The following TAOK3 variants were observed in gnomAD, a reference collection of about 807,000 sequenced individuals.
The protein encoded by TAOK3 is TAO kinase 3.
Under a neutral mutation model 120.4 loss-of-function variants are expected in TAOK3, and 40 were observed. The ratio of observed to expected loss-of-function variants is 0.33; its 90% CI spans 0.26 to 0.43. TAOK3 has a LOEUF of 0.43. Among genes scored for constraint, TAOK3 ranks in the 20% least tolerant of loss-of-function variants. The probability of loss-of-function intolerance (pLI) is 1.00; values close to 1 mark genes in which losing one functional copy is unlikely to be tolerated. For synonymous variants in TAOK3, 355 were observed against 387.5 expected, an observed-to-expected ratio of 0.92 and a Z score of 0.99; for missense variants, 821 against 1,112.1, an observed-to-expected ratio of 0.74 and a Z score of 3.72.
chr12:118,361,427 C>T (rs1170938997), intron 1 of TAOK3, among the ~76,000 whole-genome samples: 1 of 151,918 alleles, frequency 6.6e-6, no homozygotes, highest in Non-Finnish European at 1.5e-5. Context: ...TACTACTCTT[C>T]CAAACTATCA....
chr12:118,197,864 T>A (rs2037811905), intron 13 of TAOK3, among the ~76,000 whole-genome samples: 1 of 151,934 alleles, frequency 6.6e-6, no homozygotes, highest in Admixed American at 6.6e-5. Context: ...ATTTTTTGTA[T>A]TTTTAGTAGA....
At chr12:118,307,931 C>T (rs972709670) in intron 1 of TAOK3, among the ~76,000 whole-genome samples, 8 of 151,432 alleles carry the variant, frequency 5.3e-5, no homozygotes, top group Admixed American at 2.0e-4. Context: ...TTCCCAATAG[C>T]TGCTTAAAAT....
At chr12:118,231,056 G>A (rs61945189) in intron 9 of TAOK3, among the ~76,000 whole-genome samples, 11,240 of 152,152 alleles carry the variant, frequency 0.074, 517 homozygotes, top group Middle Eastern at 0.11. Context: ...ATAGAAAACA[G>A]ATCTCCAAGA....
intron 9 of TAOK3, among the ~76,000 whole-genome samples, chr12:118,232,864 C>T (rs1464597873): frequency 2.6e-5 from 4 of 152,062 alleles, no homozygotes. Flanking sequence ...GAGATTGTGC[C>T]ACTGCACTCC....
intron 1 of TAOK3, among the ~76,000 whole-genome samples, chr12:118,334,397 T>G (rs1205098053): frequency 6.6e-6 from 1 of 152,176 alleles, no homozygotes; most frequent in East Asian, 1.9e-4. Context: ...TGACTCAACT[T>G]ATATAAGCTA....
At chr12:118,206,072 G>A (rs1202918738) in intron 11 of TAOK3, among the ~76,000 whole-genome samples, 1 of 152,120 alleles carries the variant, frequency 6.6e-6, no homozygotes, top group Non-Finnish European at 1.5e-5. Context: ...TTATTTTCTA[G>A]AATAAAAAGG....
intron 1 of TAOK3, among the ~76,000 whole-genome samples, chr12:118,332,764 T>G (rs1200907248): frequency 6.6e-6 from 1 of 152,202 alleles, no homozygotes; most frequent in Admixed American, 6.5e-5. Context: ...CTTAAAGCAG[T>G]TCCTTTATTT....
At chr12:118,290,859 A>G (rs2042444897) in intron 1 of TAOK3, among the ~76,000 whole-genome samples, 1 of 151,484 alleles carries the variant, frequency 6.6e-6, no homozygotes, top group Non-Finnish European at 1.5e-5. Flanking sequence ...TTGTTGAACT[A>G]TACCATCATA....
chr12:118,354,116 T>A (rs2141248491), intron 1 of TAOK3, among the ~76,000 whole-genome samples: 1 of 152,364 alleles, frequency 6.6e-6, no homozygotes, highest in East Asian at 1.9e-4. Context: ...GTGTGGGGAA[T>A]ATGTTCTAGA....
chr12:118,314,343 A>T (rs2043372328), intron 1 of TAOK3, among the ~76,000 whole-genome samples: 1 of 152,210 alleles, frequency 6.6e-6, no homozygotes, highest in Non-Finnish European at 1.5e-5. Context: ...AATATCTTTT[A>T]AAAATACTAT....
chr12:118,368,200 T>C (rs1259894683), intron 1 of TAOK3, among the ~76,000 whole-genome samples: 1 of 152,138 alleles, frequency 6.6e-6, no homozygotes, highest in Non-Finnish European at 1.5e-5. Flanking sequence ...CTTTTGGTTA[T>C]TATTATTATT....
At chr12:118,235,746 A>G in intron 7 of TAOK3, 75 bp from the exon 8 acceptor site, 1 of 898,218 alleles carries the variant, frequency 1.1e-6, no homozygotes, top group South Asian at 1.6e-5. Flanking sequence ...CATGCAATTA[A>G]TAAGACAAAA....
intron 14 of TAOK3, among the ~76,000 whole-genome samples, chr12:118,187,188 G>A (rs894373627): frequency 7.9e-5 from 12 of 151,912 alleles, no homozygotes; most frequent in African/African-American, 2.9e-4. Flanking sequence ...ACTTGTTAGC[G>A]CCTCTACTAG....
At chr12:118,209,050 C>T (rs2038485768) in intron 11 of TAOK3, among the ~76,000 whole-genome samples, 1 of 151,974 alleles carries the variant, frequency 6.6e-6, no homozygotes, top group Admixed American at 6.6e-5. Flanking sequence ...GGACAAAATG[C>T]CATATACACA....
chr12:118,328,324 G>A (rs2141002286), intron 1 of TAOK3, among the ~76,000 whole-genome samples: 1 of 152,242 alleles, frequency 6.6e-6, no homozygotes, highest in Admixed American at 6.5e-5. Flanking sequence ...AAAGTGTTGG[G>A]ATTACAGGCA....
chr12:118,253,791 C>T (rs1478345932), intron 3 of TAOK3, among the ~76,000 whole-genome samples: 2 of 150,108 alleles, frequency 1.3e-5, no homozygotes, highest in Non-Finnish European at 3.0e-5. Flanking sequence ...CAGTGGCTCA[C>T]GCCTGTAATC....
intron 1 of TAOK3, among the ~76,000 whole-genome samples, chr12:118,325,997 G>C (rs1027913999): frequency 4.6e-5 from 7 of 152,134 alleles, no homozygotes; most frequent in Admixed American, 6.5e-5. Context: ...TCACTTTGTT[G>C]ATTGTTTCTT....
Position 118,199,215 on chromosome 12 carries a change from G to T in TAOK3, c.1030C>A (p.Leu344Met). The change falls in exon 13 of 21, where the codon CTG (leucine) becomes ATG (methionine). Residue 344 changes from leucine to methionine, a missense_variant. By Grantham distance (15) the Leu-to-Met change is conservative. Coordinates refer to ENST00000392533, the MANE Select transcript of TAOK3 (RefSeq NM_016281.4). ...CTTGGAATGGAATGGTTGCTGCCCA[G>T]GCTGTCCATTTCCCTGTTCAGGCTG... ...GTSLNREMDS[L>M]GSNHSIPSMS... 1 of 1,614,152 alleles carries T rather than the reference G, an allele frequency of 6.2e-7. No homozygotes were observed. Among genetic ancestry groups the T allele is most frequent in the Non-Finnish European group, 8.5e-7 (1 of 1,180,034 alleles).
At chr12:118,309,848 A>G (rs542389534) in intron 1 of TAOK3, among the ~76,000 whole-genome samples, 1 of 152,092 alleles carries the variant, frequency 6.6e-6, no homozygotes, top group East Asian at 1.9e-4. Flanking sequence ...CCTCCTGGCT[A>G]TGTGCTGGGT....
Sources: allele counts gnomAD v4.1 joint callset (sites outside exome capture counted in the v4.1 genomes callset), GRCh38; gene constraint gnomAD v4.1.1; transcripts MANE v1.5; gene names NCBI Gene and HGNC (gene_info 2026-07-23, HGNC 2026-07-21).